GRID2: variants seen among roughly 807,000 people sequenced by gnomAD.
The protein encoded by GRID2 is glutamate receptor ionotropic, delta-2.
In GRID2, 33 loss-of-function variants were observed where a neutral mutation model predicts 114.8. That is an observed-to-expected ratio of 0.29 (90% CI 0.22 to 0.38). The LOEUF (loss-of-function observed/expected upper bound fraction) is 0.38, where lower values mean the gene tolerates loss of function less well. Among genes scored for constraint, GRID2 ranks in the 10% least tolerant of loss-of-function variants. The probability of loss-of-function intolerance (pLI) is 1.00; values close to 1 mark genes in which losing one functional copy is unlikely to be tolerated. For synonymous variants in GRID2, 505 were observed against 449.9 expected, an observed-to-expected ratio of 1.12 and a Z score of -1.55; for missense variants, 1,184 against 1,257.7, an observed-to-expected ratio of 0.94 and a Z score of 0.89.
chr4:93,078,279 G>A lies in GRID2; in HGVS notation c.245-6716G>A, dbSNP rs1017973803. Among the ~76,000 whole-genome samples the A allele has an allele frequency of 6.6e-5, 10 of 152,126 alleles. No individual in the cohort carries two copies. The East Asian group carries it at 1.7e-3, about 26-fold the overall frequency. ...AAATTGCAGCTCTATAGTCACTTCT[G>A]TAGCAAAGGCTTCCCCAATCTCTAG... On this transcript the variant is annotated intron_variant, in intron 2 of 15. Transcript: ENST00000282020.
intron 11 of GRID2, among the ~76,000 whole-genome samples, chr4:93,472,874 G>A (rs1206037101): frequency 6.6e-6 from 1 of 152,128 alleles, no homozygotes; most frequent in African/African-American, 2.4e-5. Flanking sequence ...CTGAAGTAAT[G>A]CAAAGCTGAA....
At chr4:92,577,914 G>A (rs984705552) in intron 1 of GRID2, among the ~76,000 whole-genome samples, 10 of 152,090 alleles carry the variant, frequency 6.6e-5, no homozygotes, top group African/African-American at 2.4e-4. Flanking sequence ...AAAGATGCCA[G>A]TGGTGAATCA....
chr4:93,027,254 A>G lies in GRID2; in HGVS notation c.245-57741A>G, dbSNP rs148789180. 3.3e-5 allele frequency among the ~76,000 whole-genome samples: 5 copies of G among 152,174 alleles called. No homozygotes were observed. In the East Asian group the frequency reaches 5.8e-4, roughly 18 times the overall value. On this transcript the variant is annotated intron_variant, in intron 2 of 15. Coordinates refer to ENST00000282020, the MANE Select transcript of GRID2 (RefSeq NM_001510.4). Reference sequence around the variant, plus strand: ...TAGAACAGTCAAATTTTTAGGGTCAATATGCCTGGTGTGATGGTTTGTTTC... The same window carrying G: ...TAGAACAGTCAAATTTTTAGGGTCAGTATGCCTGGTGTGATGGTTTGTTTC...
intron 12 of GRID2, among the ~76,000 whole-genome samples, chr4:93,506,098 G>A (rs75646088): frequency 0.015 from 2,291 of 152,294 alleles, 65 homozygotes; most frequent in East Asian, 0.14. Context: ...TGTAAGGAAA[G>A]TGCAGATCTT....
chr4:92,965,766 T>C (rs555126886), intron 2 of GRID2, among the ~76,000 whole-genome samples: 5 of 152,006 alleles, frequency 3.3e-5, no homozygotes, highest in South Asian at 4.1e-4. Context: ...TTCAAAAATA[T>C]AGCCAGTATC....
At chr4:93,577,438 AGAT>A (rs1324836042) in intron 13 of GRID2, among the ~76,000 whole-genome samples, 1 of 152,236 alleles carries the variant, frequency 6.6e-6, no homozygotes, top group Non-Finnish European at 1.5e-5. Flanking sequence ...AGAAGAAACA[AGAT>A]GATAATTTTC....
At chr4:92,310,861 C>G (rs1475616818) in intron 1 of GRID2, among the ~76,000 whole-genome samples, 1 of 151,776 alleles carries the variant, frequency 6.6e-6, no homozygotes, top group African/African-American at 2.4e-5. Context: ...TTAATAGCTG[C>G]CTTAGAGTGA....
chr4:92,903,935 A>G (rs1257598837), intron 2 of GRID2, among the ~76,000 whole-genome samples: 3 of 151,974 alleles, frequency 2.0e-5, no homozygotes, highest in Non-Finnish European at 4.4e-5. Context: ...GGAAGTATCT[A>G]TGCTTATGAC....
chr4:93,095,214 T>G (rs1731099892), intron 3 of GRID2, among the ~76,000 whole-genome samples: 1 of 151,962 alleles, frequency 6.6e-6, no homozygotes, highest in Non-Finnish European at 1.5e-5. Context: ...TCATGGTGGT[T>G]TGTTGCGCCC....
At chr4:92,691,488 G>A (rs866006059) in intron 2 of GRID2, among the ~76,000 whole-genome samples, 3 of 152,104 alleles carry the variant, frequency 2.0e-5, no homozygotes, top group South Asian at 2.1e-4. Flanking sequence ...TGAAGGGAGC[G>A]ATGGCATTGG....
At chr4:93,098,865 T>C (rs1731450967) in intron 3 of GRID2, among the ~76,000 whole-genome samples, 1 of 151,892 alleles carries the variant, frequency 6.6e-6, no homozygotes, top group African/African-American at 2.4e-5. Flanking sequence ...AAAATAGTTA[T>C]TCTCTTACCA....
intron 2 of GRID2, among the ~76,000 whole-genome samples, chr4:92,847,049 C>T (rs1743377654): frequency 6.6e-6 from 1 of 152,064 alleles, no homozygotes; most frequent in Non-Finnish European, 1.5e-5. Flanking sequence ...CATTTTCTCT[C>T]ACTATGATCC....
intron 1 of GRID2, among the ~76,000 whole-genome samples, chr4:92,521,661 A>T (rs1724785487): frequency 6.6e-6 from 1 of 152,016 alleles, no homozygotes; most frequent in South Asian, 2.1e-4. Context: ...GCCTGAGCTT[A>T]TCTTAAATGA....
At chr4:93,219,897 C>T (rs1744675369) in intron 6 of GRID2, among the ~76,000 whole-genome samples, 1 of 152,124 alleles carries the variant, frequency 6.6e-6, no homozygotes, top group African/African-American at 2.4e-5. Context: ...AAATATTCCA[C>T]TGGTTCAGAA....
rs572291426 is a variant in GRID2 at position 93,632,775 on chromosome 4, C to G, written c.2360+6340C>G. Among the ~76,000 whole-genome samples the G allele has an allele frequency of 7.9e-3, 1,194 of 152,094 alleles. 20 individuals are homozygous for G. Among genetic ancestry groups the G allele is most frequent in the African/African-American group, 0.027 (1,137 of 41,514 alleles). On this transcript the variant is annotated intron_variant, in intron 14 of 15. Coordinates refer to ENST00000282020, the MANE Select transcript of GRID2 (RefSeq NM_001510.4). ...GAAGAAAGTCATTGGTAGCTTGATG[C>G]GGATGGCATTGAATGTATAAATTAC...
chr4:93,113,262 A>G (rs1300459615), intron 4 of GRID2, among the ~76,000 whole-genome samples: 2 of 152,176 alleles, frequency 1.3e-5, no homozygotes, highest in Non-Finnish European at 2.9e-5. Flanking sequence ...AATCTTCATA[A>G]AAAGCCTTTG....
chr4:93,353,274 G>A (rs893505619), intron 8 of GRID2, among the ~76,000 whole-genome samples: 2 of 151,930 alleles, frequency 1.3e-5, no homozygotes, highest in African/African-American at 4.8e-5. Context: ...TACCAAAAGA[G>A]AGGAACCTAT....
At chr4:93,766,611 A>T (rs934541500) in intron 14 of GRID2, among the ~76,000 whole-genome samples, 2 of 152,220 alleles carry the variant, frequency 1.3e-5, no homozygotes, top group African/African-American at 4.8e-5. Context: ...TTGTGCCCAG[A>T]TGTATTCTCA....
At chr4:93,517,445 A>G (rs1209843994) in intron 13 of GRID2, among the ~76,000 whole-genome samples, 1 of 152,064 alleles carries the variant, frequency 6.6e-6, no homozygotes. Context: ...GATTTACTAG[A>G]GGGCTAGTGA....
Sources: allele counts gnomAD v4.1 joint callset (sites outside exome capture counted in the v4.1 genomes callset), GRCh38; gene constraint gnomAD v4.1.1; transcripts MANE v1.5; gene names NCBI Gene and HGNC (gene_info 2026-07-23, HGNC 2026-07-21).